The following PIK3AP1 variants were observed in gnomAD, a reference collection of about 807,000 sequenced individuals.
PIK3AP1 encodes phosphoinositide 3-kinase adapter protein 1.
In PIK3AP1, 21 loss-of-function variants were observed where a neutral mutation model predicts 88.1. The observed-to-expected ratio is 0.24, with a 90% confidence interval of 0.17 to 0.34. PIK3AP1 has a LOEUF of 0.34. Ranked by LOEUF, PIK3AP1 falls within the 10% of genes least tolerant of loss-of-function variation. The pLI, the probability that PIK3AP1 is intolerant of heterozygous loss-of-function variation, is 1.00. For synonymous variants in PIK3AP1, 398 were observed against 400.0 expected (o/e 1.00, Z 0.06); for missense variants, 828 against 1,035.7 (o/e 0.80, Z 2.75).
intron 2 of PIK3AP1, among the ~76,000 whole-genome samples, chr10:96,674,836 TAGTCCC>T (rs1482939437): frequency 1.3e-5 from 2 of 152,384 alleles, no homozygotes; most frequent in African/African-American, 4.8e-5. Context: ...TACACTGTGT[TAGTCCC>T]AGTCTTCCGA....
rs1843184176 is a variant in PIK3AP1 at position 96,628,512 on chromosome 10, T to C, written c.1376-19A>G. The C allele has an allele frequency of 6.4e-7, 1 of 1,566,180 alleles. No homozygotes were observed. Among genetic ancestry groups the C allele is most frequent in the Non-Finnish European group, 8.8e-7 (1 of 1,136,324 alleles). ...TCAACATCTAGAAGGAAAAGGAGAC[T>C]AAGAGTTATATATTGGTCTCCTCCA... On this transcript the variant is annotated intron_variant, in intron 8 of 16. Transcript: ENST00000339364.
chr10:96,627,853 C>T (rs566322094), intron 9 of PIK3AP1, among the ~76,000 whole-genome samples: 15 of 152,268 alleles, frequency 9.9e-5, no homozygotes, highest in East Asian at 1.9e-4. Context: ...CATTTTACAA[C>T]GGAGGAAACT....
At chr10:96,689,565 G>A (rs1233319176) in intron 2 of PIK3AP1, among the ~76,000 whole-genome samples, 1 of 101,452 alleles carries the variant, frequency 9.9e-6, no homozygotes, top group African/African-American at 4.3e-5. Flanking sequence ...GCAAGAGCAA[G>A]ACTCTGTCTC....
At chr10:96,694,136 T>C (rs1844189714) in intron 2 of PIK3AP1, among the ~76,000 whole-genome samples, 1 of 152,182 alleles carries the variant, frequency 6.6e-6, no homozygotes, top group Admixed American at 6.5e-5. Flanking sequence ...GTCTGCTTTA[T>C]GATTCAAAGG....
chr10:96,697,745 G>A (rs1038105458), intron 2 of PIK3AP1, among the ~76,000 whole-genome samples: 2 of 151,808 alleles, frequency 1.3e-5, no homozygotes, highest in African/African-American at 4.8e-5. Flanking sequence ...ACAACAAAAA[G>A]TAACACATGA....
At chr10:96,718,432 C>T (rs1199456750) in intron 1 of PIK3AP1, among the ~76,000 whole-genome samples, 2 of 152,354 alleles carry the variant, frequency 1.3e-5, no homozygotes, top group East Asian at 3.9e-4. Flanking sequence ...CCCCATGGGT[C>T]CTTGTACTTC....
intron 14 of PIK3AP1, among the ~76,000 whole-genome samples, chr10:96,605,867 C>T (rs1169617264): frequency 1.3e-5 from 2 of 152,116 alleles, no homozygotes; most frequent in Non-Finnish European, 2.9e-5. Context: ...GGGTGGATCA[C>T]GAGGTCAGCA....
chr10:96,663,532 A>G (rs1843721360), intron 2 of PIK3AP1, among the ~76,000 whole-genome samples: 1 of 145,386 alleles, frequency 6.9e-6, no homozygotes, highest in Non-Finnish European at 1.5e-5. Flanking sequence ...CAGGAGGCTG[A>G]GGCAGGAGAA....
At chr10:96,662,209 G>C (rs1453003738) in intron 2 of PIK3AP1, among the ~76,000 whole-genome samples, 1 of 152,034 alleles carries the variant, frequency 6.6e-6, no homozygotes, top group Non-Finnish European at 1.5e-5. Flanking sequence ...ACAAAATGAG[G>C]TATGTCCATA....
chr10:96,624,911 C>A (rs1181718218), intron 10 of PIK3AP1, among the ~76,000 whole-genome samples: 1 of 152,194 alleles, frequency 6.6e-6, no homozygotes, highest in Non-Finnish European at 1.5e-5. Flanking sequence ...AGTACGGTTC[C>A]CTACTCCCTC....
chr10:96,717,041 C>T (rs1589555033), intron 1 of PIK3AP1, among the ~76,000 whole-genome samples: 1 of 152,054 alleles, frequency 6.6e-6, no homozygotes, highest in East Asian at 1.9e-4. Flanking sequence ...GAGGGCAGAT[C>T]ACTTGAGGCC....
At chr10:96,687,113 G>T (rs1027604997) in intron 2 of PIK3AP1, among the ~76,000 whole-genome samples, 1 of 151,804 alleles carries the variant, frequency 6.6e-6, no homozygotes, top group African/African-American at 2.4e-5. Flanking sequence ...AAAATTAGCC[G>T]GGTGCGGTGG....
chr10:96,673,737 G>A (rs1237574589), intron 2 of PIK3AP1, among the ~76,000 whole-genome samples: 1 of 152,176 alleles, frequency 6.6e-6, no homozygotes, highest in Non-Finnish European at 1.5e-5. Flanking sequence ...TCTGGGGCAG[G>A]CCACATAAAT....
intron 6 of PIK3AP1, among the ~76,000 whole-genome samples, 195 bp from the exon 7 acceptor site, chr10:96,649,050 AT>A (rs1289226445): frequency 3.3e-5 from 5 of 152,112 alleles, no homozygotes; most frequent in African/African-American, 1.2e-4. Context: ...TGCAGAGGAC[AT>A]AATTTTTTTT....
At chr10:96,615,366 T>C (rs1849197890) in intron 13 of PIK3AP1, among the ~76,000 whole-genome samples, 1 of 152,080 alleles carries the variant, frequency 6.6e-6, no homozygotes, top group South Asian at 2.1e-4. Context: ...CATCATTGGC[T>C]ACAATGGGTT....
Position 96,651,294 on chromosome 10 carries a change from C to T in PIK3AP1, c.942G>A (p.Leu314=). 6.2e-7 allele frequency: 1 copy of T among 1,614,204 alleles called. No individual in the cohort carries two copies. The highest frequency in any genetic ancestry group is 8.5e-7 in the Non-Finnish European group (1 of 1,180,046). The change falls in exon 6 of 17, where the codon CTG becomes CTA. Residue 314 remains leucine, a synonymous_variant. Coordinates refer to ENST00000339364, the MANE Select transcript of PIK3AP1 (RefSeq NM_152309.3). ...SLKNNIPASG[L]HLFGINQLEE... ...CCAGCTGGTTGATTCCAAAGAGGTG[C>T]AGTCCGCTTGCAGGGATATTGTTCT...
At chr10:96,675,213 A>C (rs966788957) in intron 2 of PIK3AP1, among the ~76,000 whole-genome samples, 3 of 142,038 alleles carry the variant, frequency 2.1e-5, no homozygotes, top group Non-Finnish European at 4.6e-5. Context: ...TTTGTCAGGG[A>C]AAGTGCCTGG....
chr10:96,685,171 G>A (rs1004835945), intron 2 of PIK3AP1, among the ~76,000 whole-genome samples: 1 of 152,206 alleles, frequency 6.6e-6, no homozygotes, highest in African/African-American at 2.4e-5. Context: ...TTTATGCTGT[G>A]ATTTTCTTTT....
At chr10:96,614,463 C>T (rs550174813) in intron 13 of PIK3AP1, among the ~76,000 whole-genome samples, 3 of 151,560 alleles carry the variant, frequency 2.0e-5, no homozygotes, top group Non-Finnish European at 4.4e-5. Flanking sequence ...ACTCAGCCAC[C>T]GGCAGCATAA....
Sources: allele counts gnomAD v4.1 joint callset (sites outside exome capture counted in the v4.1 genomes callset), GRCh38; gene constraint gnomAD v4.1.1; transcripts MANE v1.5; gene names NCBI Gene and HGNC (gene_info 2026-07-23, HGNC 2026-07-21).